WWOX: variants seen among roughly 807,000 people sequenced by gnomAD.
The protein encoded by WWOX is WW domain containing oxidoreductase, also known as WW domain-containing oxidoreductase.
WWOX carries 69 observed loss-of-function variants against 46.2 expected under a neutral mutation model. The ratio of observed to expected loss-of-function variants is 1.49; its 90% CI spans 1.23 to 1.82. The LOEUF (loss-of-function observed/expected upper bound fraction) is 1.82. Among genes scored for constraint, WWOX ranks in the 40% most tolerant of loss-of-function variants. WWOX has a pLI of 0.00. For missense variants in WWOX, 919 were observed against 542.6 expected, an observed-to-expected ratio of 1.69 and a Z score of -6.89; for synonymous variants, 359 against 202.6, an observed-to-expected ratio of 1.77 and a Z score of -6.56.
intron 5 of WWOX, among the ~76,000 whole-genome samples, chr16:78,240,666 G>C (rs2037612880): frequency 6.6e-6 from 1 of 152,182 alleles, no homozygotes; most frequent in Non-Finnish European, 1.5e-5. Flanking sequence ...AGTCTCAGCA[G>C]CCTCCTGTGT....
intron 8 of WWOX, among the ~76,000 whole-genome samples, chr16:79,041,196 A>T (rs1027717651): frequency 6.6e-6 from 1 of 152,208 alleles, no homozygotes; most frequent in African/African-American, 2.4e-5. Flanking sequence ...AATAAAAATA[A>T]AAACGAATGC....
chr16:78,452,823 C>G (rs1346773566), intron 8 of WWOX, among the ~76,000 whole-genome samples: 1 of 149,662 alleles, frequency 6.7e-6, no homozygotes, highest in African/African-American at 2.5e-5. Flanking sequence ...TGTTTTTCTA[C>G]ATTCCGTTTC....
chr16:78,119,398 T>C (rs2032977732), intron 4 of WWOX, among the ~76,000 whole-genome samples: 1 of 152,162 alleles, frequency 6.6e-6, no homozygotes, highest in African/African-American at 2.4e-5. Context: ...AATACTTTAG[T>C]ATAAAATGCT....
chr16:78,149,642 G>T (rs936990004), intron 4 of WWOX, among the ~76,000 whole-genome samples: 2 of 152,158 alleles, frequency 1.3e-5, no homozygotes, highest in Non-Finnish European at 2.9e-5. Context: ...CCCTCTTTCC[G>T]GACAGCTGCT....
In WWOX at chr16:78,624,729, T is replaced by G. The variant is rs73565205; in HGVS notation, c.1056+191977T>G. Among the ~76,000 whole-genome samples the G allele has an allele frequency of 1.7e-4, 26 of 152,358 alleles. No individual in the cohort carries two copies. In the Middle Eastern group the frequency reaches 0.01, roughly 60 times the overall value. On this transcript the variant is annotated intron_variant, in intron 8 of 8. Coordinates refer to ENST00000566780, the MANE Select transcript of WWOX (RefSeq NM_016373.4). ...TCATGAACATAATATGTCTATCATT[T>G]GGAATTCTCCAGCACCCTGGCTGGA...
At chr16:78,230,020 C>T (rs28413069) in intron 5 of WWOX, among the ~76,000 whole-genome samples, 23,870 of 152,050 alleles carry the variant, frequency 0.16, 2,096 homozygotes, top group Non-Finnish European at 0.2. Context: ...GCTGGGACTA[C>T]AGGTGCATGC....
chr16:79,097,723 TTCTG>T (rs1243610292), intron 8 of WWOX, among the ~76,000 whole-genome samples: 2 of 152,090 alleles, frequency 1.3e-5, no homozygotes, highest in Non-Finnish European at 1.5e-5. Context: ...AAAGGATACT[TTCTG>T]TCTTTTATTT....
At chr16:78,534,955 G>C (rs902720906) in intron 8 of WWOX, among the ~76,000 whole-genome samples, 4 of 152,088 alleles carry the variant, frequency 2.6e-5, no homozygotes, top group African/African-American at 4.8e-5. Context: ...CTCATGATCT[G>C]TTCGTCTCAG....
At chr16:78,799,212 G>T (rs1316932951) in intron 8 of WWOX, among the ~76,000 whole-genome samples, 1 of 152,176 alleles carries the variant, frequency 6.6e-6, no homozygotes, top group African/African-American at 2.4e-5. Flanking sequence ...CAGGGACACG[G>T]TGCAGAAAAG....
At chr16:78,703,337 C>T (rs928762711) in intron 8 of WWOX, among the ~76,000 whole-genome samples, 3 of 152,074 alleles carry the variant, frequency 2.0e-5, no homozygotes, top group Non-Finnish European at 1.5e-5. Context: ...GAGTTAAGGC[C>T]GGGCATGGTG....
chr16:79,143,136 G>A (rs775520084), intron 8 of WWOX, among the ~76,000 whole-genome samples: 11 of 152,168 alleles, frequency 7.2e-5, no homozygotes, highest in African/African-American at 1.4e-4. Flanking sequence ...TTGTCATGGG[G>A]TCTGGTCTTC....
intron 8 of WWOX, among the ~76,000 whole-genome samples, chr16:79,131,965 T>C (rs941140033): frequency 6.6e-6 from 1 of 152,112 alleles, no homozygotes; most frequent in Non-Finnish European, 1.5e-5. Flanking sequence ...ACGAGACTTA[T>C]TCACTATCAT....
intron 8 of WWOX, among the ~76,000 whole-genome samples, chr16:78,545,127 G>A (rs538100442): frequency 9.8e-5 from 15 of 152,308 alleles, no homozygotes; most frequent in Non-Finnish European, 1.6e-4. Flanking sequence ...CCCACATTCT[G>A]ATTCCCTCAG....
rs2044529280 is a variant in WWOX, at chr16:78,564,949, T to C, written c.1056+132197T>C. Among the ~76,000 whole-genome samples, 3 of 152,168 alleles carry C rather than the reference T, an allele frequency of 2.0e-5. No individual in the cohort carries two copies. In the South Asian group the frequency reaches 6.2e-4, roughly 32 times the overall value. On this transcript the variant is annotated intron_variant, in intron 8 of 8. Coordinates refer to ENST00000566780, the MANE Select transcript of WWOX (RefSeq NM_016373.4). Reference sequence around the variant, plus strand: ...ATGCCATCTGAAATCCTCCTTCCTTTTTAACAAGACAAGTAGAAAACGAAA... The same window carrying C: ...ATGCCATCTGAAATCCTCCTTCCTTCTTAACAAGACAAGTAGAAAACGAAA...
At chr16:78,154,376 G>C (rs1267393547) in intron 4 of WWOX, among the ~76,000 whole-genome samples, 1 of 151,898 alleles carries the variant, frequency 6.6e-6, no homozygotes, top group Non-Finnish European at 1.5e-5. Flanking sequence ...AAATCCACAG[G>C]CTCCCGCTGC....
chr16:78,488,759 A>T lies in WWOX; in HGVS notation c.1056+56007A>T, dbSNP rs531513794. ...GTGTGACGCTGGGGCATCTGACTTC[A>T]CCTTTCTGAGTCTTAGTTTCCTTAC... On this transcript the variant is annotated intron_variant, in intron 8 of 8. Coordinates refer to ENST00000566780, the MANE Select transcript of WWOX (RefSeq NM_016373.4). Among the ~76,000 whole-genome samples, 14 of 152,192 alleles carry T rather than the reference A, an allele frequency of 9.2e-5. No individual in the cohort carries two copies. The South Asian group carries it at 2.9e-3, about 32-fold the overall frequency.
rs72801945 is a variant in WWOX at position 78,500,230 on chromosome 16, G to A, written c.1056+67478G>A. Among the ~76,000 whole-genome samples, 1,150 of 152,246 alleles carry A rather than the reference G, an allele frequency of 7.6e-3. 11 individuals are homozygous for A. The highest frequency in any genetic ancestry group is 0.013 in the Non-Finnish European group (876 of 68,020). ...TGTGTGACTTTGTGCAGTGGGGAAA[G>A]GTGGGGCTTTAAAATAAAACAGAAG... On this transcript the variant is annotated intron_variant, in intron 8 of 8. Coordinates refer to ENST00000566780, the MANE Select transcript of WWOX (RefSeq NM_016373.4).
chr16:78,335,657 C>G (rs9936952), intron 5 of WWOX, among the ~76,000 whole-genome samples: 1 of 152,104 alleles, frequency 6.6e-6, no homozygotes, highest in African/African-American at 2.4e-5. Flanking sequence ...TGTATGTTGA[C>G]TGCAGCAGTT....
intron 5 of WWOX, chr16:78,278,629 A>G (rs755650639): frequency 5.0e-6 from 8 of 1,611,438 alleles, no homozygotes; most frequent in Non-Finnish European, 5.9e-6. Context: ...CTCCGCCAGA[A>G]AAGTGCAGAA....
Sources: allele counts gnomAD v4.1 joint callset (sites outside exome capture counted in the v4.1 genomes callset), GRCh38; gene constraint gnomAD v4.1.1; transcripts MANE v1.5; gene names NCBI Gene and HGNC (gene_info 2026-07-23, HGNC 2026-07-21).